Variants in DOT1L observed in about 807,000 individuals in gnomAD.
DOT1L encodes the protein DOT1 like histone lysine methyltransferase, also known as histone-lysine N-methyltransferase, H3 lysine-79 specific.
Under a neutral mutation model 153.3 loss-of-function variants are expected in DOT1L, and 33 were observed. The observed-to-expected ratio is 0.22, with a 90% CI of 0.16 to 0.29. The LOEUF (loss-of-function observed/expected upper bound fraction) is 0.29, where lower values mean the gene tolerates loss of function less well. Ranked by LOEUF, DOT1L falls within the 10% of genes least tolerant of loss-of-function variation. The pLI is 1.00. For synonymous variants in DOT1L, 1,135 were observed against 965.1 expected, an observed-to-expected ratio of 1.18 and a Z score of -3.26; for missense variants, 1,847 against 2,119.9, an observed-to-expected ratio of 0.87 and a Z score of 2.53.
chr19:2,231,060 G>C lies in DOT1L; in HGVS notation c.*1268G>C, dbSNP rs1262859103. The C allele has an allele frequency of 8.5e-6, 2 of 234,228 alleles. No homozygotes were observed. Among genetic ancestry groups the C allele is most frequent in the African/African-American group, 4.4e-5 (2 of 45,320 alleles). The allele number at this position is 234,228 out of a possible 1,614,324, so 14.5% of individuals were successfully genotyped here. A position where few individuals can be genotyped will look rare whatever the true frequency, so the allele number is the denominator to read the frequency against. ...GCCTGGGACTGGGTGTGGAAGGAGA[G>C]GAGCTGAGGCCGGGGTGTAGCAGGC... On this transcript the variant is annotated 3_prime_UTR_variant, in exon 28 of 28. Transcript: ENST00000398665.
In DOT1L at chr19:2,213,772, C is replaced by T. The variant is rs1286814621; in HGVS notation, c.1660-77C>T. 16 of 1,605,204 alleles carry T rather than the reference C, an allele frequency of 1.0e-5. No individual in the cohort carries two copies. In the East Asian group the frequency reaches 2.9e-4, roughly 29 times the overall value. ...CAGCTGTGTCCCAGGGGCTGGGCTG[C>T]AGGGGTGGTCATGCCTGGGGGCTTA... On this transcript the variant is annotated intron_variant, in intron 17 of 27. Coordinates refer to ENST00000398665, the MANE Select transcript of DOT1L (RefSeq NM_032482.3).
chr19:2,210,561 G>C (rs573206494), intron 13 of DOT1L, 51 bp downstream of exon 13: 1 of 1,591,164 alleles, frequency 6.3e-7, no homozygotes, highest in East Asian at 2.2e-5. Flanking sequence ...CCCCCTGCCC[G>C]GGAGACCCCA....
At chr19:2,202,651 GC>G in intron 8 of DOT1L, 48 bp from the exon 9 acceptor site, 1 of 1,583,966 alleles carries the variant, frequency 6.3e-7, no homozygotes, top group Non-Finnish European at 8.7e-7. Flanking sequence ...GGGTGGCTGT[GC>G]CCGTGAGACG....
chr19:2,224,447 T>G (rs2144918926), intron 25 of DOT1L, among the ~76,000 whole-genome samples: 1 of 151,328 alleles, frequency 6.6e-6, no homozygotes, highest in African/African-American at 2.4e-5. Flanking sequence ...TGATATAACA[T>G]GGTAGGGTTT....
Position 2,191,641 on chromosome 19 carries a change from C to T in DOT1L, c.493+401C>T, listed in dbSNP as rs1351308312. Among the ~76,000 whole-genome samples the T allele has an allele frequency of 1.3e-5, 2 of 152,192 alleles. No individual in the cohort carries two copies. The highest frequency in any genetic ancestry group is 2.9e-5 in the Non-Finnish European group (2 of 68,020). ...GCCTGCCGCAGTCCTTCCCTGGGCA[C>T]ACCTGCTCCCTCCACAGCGGCTGGA... On this transcript the variant is annotated intron_variant, in intron 5 of 27. Transcript: ENST00000398665. The surrounding 1 kb of genome is among the most constrained non-coding windows in gnomAD (Gnocchi z 6.8).
chr19:2,214,916 C>G (rs1280340130), intron 19 of DOT1L, among the ~76,000 whole-genome samples: 3 of 152,146 alleles, frequency 2.0e-5, no homozygotes, highest in Non-Finnish European at 2.9e-5. Flanking sequence ...GGAGAATTTG[C>G]TCATTAGAAA....
intron 27 of DOT1L, chr19:2,227,454 G>A (rs957433564): frequency 3.4e-6 from 2 of 586,518 alleles, no homozygotes; most frequent in African/African-American, 1.9e-5. Flanking sequence ...CAAGGCTCTG[G>A]GAGCTGGTGT....
chr19:2,229,757 C>T (rs1342620713), intron 27 of DOT1L, 28 bp from the exon 28 acceptor site: 1 of 1,612,964 alleles, frequency 6.2e-7, no homozygotes, highest in Admixed American at 1.7e-5. Flanking sequence ...TAACCTCAGG[C>T]CGCTCTTCCC....
Position 2,197,005 on chromosome 19 carries a change from C to T in DOT1L, c.651+2428C>T, listed in dbSNP as rs1270554321. 1.3e-5 allele frequency among the ~76,000 whole-genome samples: 2 copies of T among 152,202 alleles called. No homozygotes were observed. The highest frequency in any genetic ancestry group is 1.3e-4 in the Admixed American group (2 of 15,286). On this transcript the variant is annotated intron_variant, in intron 7 of 27. Transcript: ENST00000398665. This position sits in a 1 kb window ranked among gnomAD's most constrained non-coding sequence, Gnocchi z 4.1. ...GCTGTGATGGGTTTCCAGTGCTGAA[C>T]GCGTCCGCCTTGGTCGGCGTGCGAT...
chr19:2,201,593 C>T (rs896378982), intron 8 of DOT1L, among the ~76,000 whole-genome samples: 2 of 152,226 alleles, frequency 1.3e-5, no homozygotes, highest in South Asian at 4.1e-4. Context: ...CTGTGCCCGC[C>T]GGCGGGTGTT....
intron 18 of DOT1L, 100 bp from the exon 19 acceptor site, chr19:2,214,371 C>G: frequency 6.5e-7 from 1 of 1,530,072 alleles, no homozygotes; most frequent in Non-Finnish European, 8.8e-7. Flanking sequence ...AGCACACATG[C>G]TGTTGGCTGA....
At chr19:2,228,104 C>T (rs752143371) in intron 27 of DOT1L, 25 of 1,354,306 alleles carry the variant, frequency 1.8e-5, no homozygotes, top group Non-Finnish European at 2.4e-5. Context: ...CTTTCTTGCC[C>T]CCCACCTCTG....
intron 7 of DOT1L, among the ~76,000 whole-genome samples, chr19:2,195,086 C>T (rs564736276): frequency 3.5e-4 from 54 of 152,202 alleles, no homozygotes; most frequent in Non-Finnish European, 5.3e-4. Flanking sequence ...CGCGTGTGGC[C>T]CTCCCTGTAG....
chr19:2,227,488 T>G, intron 27 of DOT1L: 2 of 528,136 alleles, frequency 3.8e-6, no homozygotes, highest in Admixed American at 2.3e-5. Context: ...GTCCCCGCAG[T>G]GCCTGCCCAG....
chr19:2,213,786 C>A, intron 17 of DOT1L, 63 bp from the exon 18 acceptor site: 1 of 1,608,630 alleles, frequency 6.2e-7, no homozygotes, highest in Non-Finnish European at 8.5e-7. Flanking sequence ...GGTGGTCATG[C>A]CTGGGGGCTT....
chr19:2,165,769 ATTTT>A (rs34978235), intron 1 of DOT1L, among the ~76,000 whole-genome samples: 1 of 139,576 alleles, frequency 7.2e-6, no homozygotes. Flanking sequence ...ATGGCTTCAC[ATTTT>A]TTTTTTTTTT....
intron 7 of DOT1L, among the ~76,000 whole-genome samples, chr19:2,199,155 A>G (rs918202644): frequency 1.3e-5 from 2 of 152,148 alleles, no homozygotes; most frequent in African/African-American, 4.8e-5. Context: ...GGTTAATAAG[A>G]GGTGTTTTCT....
In DOT1L at chr19:2,193,553, G is replaced by T; in HGVS notation, c.494-136G>T. The T allele has an allele frequency of 1.4e-6, 1 of 709,422 alleles. No homozygotes were observed. The highest frequency in any genetic ancestry group is 2.4e-6 in the Non-Finnish European group (1 of 423,086). 43.9% of individuals were successfully genotyped at this position (709,422 alleles called of 1,614,324 possible). On this transcript the variant is annotated intron_variant, in intron 5 of 27. Coordinates refer to ENST00000398665, the MANE Select transcript of DOT1L (RefSeq NM_032482.3). This position sits in a 1 kb window ranked among gnomAD's most constrained non-coding sequence, Gnocchi z 5.9. ...GATCCTGAGTGACCTTGGAGCATCG[G>T]ATATGTGTGGAGACTGTGGCCTCCC...
At position 2,226,471 on chromosome 19, in the gene DOT1L, C is replaced by T. The variant is rs1434272776; in HGVS notation, c.3950C>T (p.Thr1317Ile). The T allele has an allele frequency of 1.2e-6, 2 of 1,601,782 alleles. No homozygotes were observed. The highest frequency in any genetic ancestry group is 1.1e-5 in the South Asian group (1 of 90,870). ...GGCACCAACCCTGCCAACGGCTGCACCTTCGGCGGGGGCCTGGCCGCGGAC... is the reference window on the plus strand; with the variant it reads ...GGCACCAACCCTGCCAACGGCTGCATCTTCGGCGGGGGCCTGGCCGCGGAC... ...SPGTNPANGC[T>I]FGGGLAADLS... is the part of the protein sequence containing the mutation. The change falls in exon 27 of 28, where the codon ACC (threonine) becomes ATC (isoleucine). Residue 1317 changes from threonine to isoleucine, a missense_variant. Physicochemically the swap from Thr to Ile is moderately conservative, Grantham distance 89. Transcript: ENST00000398665.
Sources: allele counts gnomAD v4.1 joint callset (sites outside exome capture counted in the v4.1 genomes callset), GRCh38; gene constraint gnomAD v4.1.1; non-coding constraint Gnocchi (gnomAD v3.1); transcripts MANE v1.5; gene names NCBI Gene and HGNC (gene_info 2026-07-23, HGNC 2026-07-21).